Variants in TTC28 observed in about 807,000 individuals in gnomAD.
TTC28 encodes the protein tetratricopeptide repeat protein 28.
A neutral mutation model predicts 198.0 loss-of-function variants in TTC28; 61 were observed. That is an observed-to-expected ratio of 0.31 (90% CI 0.25 to 0.38). The LOEUF (loss-of-function observed/expected upper bound fraction) is 0.38, where lower values mean the gene tolerates loss of function less well. TTC28 is among the 10% of genes least tolerant of loss of function. The pLI is 1.00. For missense variants in TTC28, 2,678 were observed against 3,164.0 expected (o/e 0.85, Z 3.69); for synonymous variants, 1,171 against 1,297.8 (o/e 0.90, Z 2.10).
intron 5 of TTC28, among the ~76,000 whole-genome samples, chr22:28,243,655 T>C (rs558076284): frequency 1.3e-5 from 2 of 152,088 alleles, no homozygotes; most frequent in African/African-American, 2.4e-5. Flanking sequence ...TTAGAGAACG[T>C]GGATTAGATA....
chr22:28,513,290 C>T (rs1466944603), intron 2 of TTC28, among the ~76,000 whole-genome samples: 2 of 152,118 alleles, frequency 1.3e-5, no homozygotes, highest in Non-Finnish European at 2.9e-5. Flanking sequence ...AAAGAGCCAA[C>T]GTAAGAGTTA....
Position 28,440,736 on chromosome 22 carries a change from A to G in TTC28, c.382-134093T>C, listed in dbSNP as rs528661785. On this transcript the variant is annotated intron_variant, in intron 2 of 22. Transcript: ENST00000397906. ...ACTGTATCACTACAAATGTGTTAGC[A>G]GACTGAGCCAGAAACCATGGCAATG... is the stretch of plus-strand genomic sequence containing the variant. 1.9e-3 allele frequency among the ~76,000 whole-genome samples: 284 copies of G among 152,356 alleles called. 1 individual carries two copies. Among genetic ancestry groups the G allele is most frequent in the African/African-American group, 5.4e-3 (223 of 41,584 alleles).
Position 27,999,179 on chromosome 22 carries a change from C to A in TTC28, c.4480G>T (p.Ala1494Ser), listed in dbSNP as rs1937608548. 6.4e-7 allele frequency: 1 copy of A among 1,550,706 alleles called. No individual in the cohort carries two copies. The part of the protein sequence containing the change: ...AVIGNPKLPS[A>S]VMDRWLWGPM... The stretch of plus-strand genomic sequence containing the variant: ...CCCCACAGCCACCTGTCCATCACGG[C>A]CGATGGTAGCTTGGGGTTGCCGATG... Residue 1494 changes from alanine (A) to serine (S), a missense_variant, in exon 16 of 23, where the codon GCC (alanine) becomes TCC (serine). By Grantham distance (99) the Ala-to-Ser change is moderately conservative (BLOSUM62 1). Around this residue, in one of 8 missense-constraint regions of TTC28, gnomAD observed 727 missense variants for 861.9 expected, o/e 0.84. Coordinates refer to ENST00000397906, the MANE Select transcript of TTC28 (RefSeq NM_001145418.2).
chr22:28,168,557 A>G (rs1382693252), intron 5 of TTC28, among the ~76,000 whole-genome samples: 5 of 152,190 alleles, frequency 3.3e-5, no homozygotes, highest in African/African-American at 1.2e-4. Context: ...ACCTGACAAA[A>G]ACAAGAAATG....
At chr22:28,388,126 C>G (rs1044418592) in intron 2 of TTC28, among the ~76,000 whole-genome samples, 1 of 152,228 alleles carries the variant, frequency 6.6e-6, no homozygotes, top group African/African-American at 2.4e-5. Context: ...GCTTGTTTTT[C>G]TCAGGTTTGT....
intron 5 of TTC28, among the ~76,000 whole-genome samples, chr22:28,241,598 C>T (rs1004059951): frequency 1.3e-5 from 2 of 151,528 alleles, no homozygotes; most frequent in African/African-American, 4.9e-5. Flanking sequence ...TCAAATGGTT[C>T]GAGATTAAAA....
chr22:28,051,337 GTTTCC>G (rs1940078431), intron 12 of TTC28, among the ~76,000 whole-genome samples: 1 of 152,184 alleles, frequency 6.6e-6, no homozygotes, highest in Admixed American at 6.5e-5. Flanking sequence ...GGTGAAAATA[GTTTCC>G]TGTTTGCCTG....
In TTC28 at chr22:27,982,081, G is replaced by C. The variant is rs999670571; in HGVS notation, c.*140C>G. On this transcript the variant is annotated 3_prime_UTR_variant, in exon 23 of 23. Transcript: ENST00000397906. This position sits in a 1 kb window ranked among gnomAD's most constrained non-coding sequence, Gnocchi z 5.2. The stretch of plus-strand genomic sequence containing the variant: ...CCAGTGTGTGTGGCAGCCTTTGGAC[G>C]TGGTGGTGCCCCTCGCCTGCAGAGC... 1.2e-6 allele frequency: 1 copy of C among 854,956 alleles called. No homozygotes were observed. The highest frequency in any genetic ancestry group is 2.9e-5 in the East Asian group (1 of 34,970). 53.0% of individuals were successfully genotyped at this position (854,956 alleles called of 1,614,324 possible). A position where few individuals can be genotyped will look rare whatever the true frequency, so the allele number is the denominator to read the frequency against.
At chr22:28,334,603 T>C (rs544802037) in intron 2 of TTC28, among the ~76,000 whole-genome samples, 2 of 152,322 alleles carry the variant, frequency 1.3e-5, no homozygotes, top group Admixed American at 1.3e-4. Context: ...TGATGGCCAG[T>C]GATGGTGAGC....
intron 9 of TTC28, 114 bp downstream of exon 9, chr22:28,101,057 C>T: frequency 1.4e-6 from 1 of 719,684 alleles, no homozygotes. Flanking sequence ...ACACATTAGC[C>T]CAAGGGTAGA....
chr22:28,152,748 C>G (rs1943639953), intron 6 of TTC28, among the ~76,000 whole-genome samples: 1 of 152,134 alleles, frequency 6.6e-6, no homozygotes, highest in South Asian at 2.1e-4. Context: ...TACTGACTAC[C>G]TATAATTAGA....
Position 27,982,447 on chromosome 22 carries a change from C to CCCT in TTC28, c.7217_7219dup (p.Glu2406dup). On this transcript the variant is annotated inframe_insertion, in exon 23 of 23. Coordinates refer to ENST00000397906, the MANE Select transcript of TTC28 (RefSeq NM_001145418.2). The surrounding 1 kb of genome is among the most constrained non-coding windows in gnomAD (Gnocchi z 5.2). ...CTCCTTCAGTTCAAGCTTATCCACT[C>CCCT]CCTCCTCCTTCTTATTGTGCCGTGG... is the stretch of plus-strand genomic sequence containing the variant. 1 of 1,551,514 alleles carries CCCT rather than the reference C, an allele frequency of 6.4e-7. No homozygotes were observed. The highest frequency in any genetic ancestry group is 1.2e-5 in the South Asian group (1 of 84,048).
At chr22:28,270,445 T>G (rs1030732405) in intron 5 of TTC28, among the ~76,000 whole-genome samples, 1 of 152,098 alleles carries the variant, frequency 6.6e-6, no homozygotes, top group African/African-American at 2.4e-5. Flanking sequence ...CTAACAAATG[T>G]GCTTTACCTG....
chr22:28,250,799 G>A (rs138955527), intron 5 of TTC28, among the ~76,000 whole-genome samples: 1 of 152,298 alleles, frequency 6.6e-6, no homozygotes, highest in East Asian at 1.9e-4. Flanking sequence ...GATATAGTGG[G>A]CCAACTATAT....
chr22:28,493,836 A>C (rs1278788023), intron 2 of TTC28, among the ~76,000 whole-genome samples: 2 of 152,220 alleles, frequency 1.3e-5, no homozygotes, highest in Non-Finnish European at 2.9e-5. Context: ...GGATGCAGTC[A>C]GTGAAGTCCA....
chr22:28,547,105 G>A (rs1206035352), intron 2 of TTC28, among the ~76,000 whole-genome samples: 2 of 152,126 alleles, frequency 1.3e-5, no homozygotes, highest in African/African-American at 4.8e-5. Context: ...TAGGTTCATT[G>A]AGCATTGAAC....
chr22:28,254,027 C>T (rs1221877577), intron 5 of TTC28, among the ~76,000 whole-genome samples: 3 of 151,516 alleles, frequency 2.0e-5, no homozygotes, highest in Non-Finnish European at 4.4e-5. Context: ...TTGCTTGAAC[C>T]CAGGAGGCGG....
At chr22:28,583,213 T>C (rs2050257266) in intron 2 of TTC28, among the ~76,000 whole-genome samples, 1 of 152,190 alleles carries the variant, frequency 6.6e-6, no homozygotes, top group Non-Finnish European at 1.5e-5. Context: ...TTTAAAAAAA[T>C]GAGGACATCA....
At chr22:28,515,504 A>G (rs2048768796) in intron 2 of TTC28, among the ~76,000 whole-genome samples, 2 of 152,262 alleles carry the variant, frequency 1.3e-5, no homozygotes, top group South Asian at 4.1e-4. Context: ...CTTGCTTCAC[A>G]GCATGCTGTT....
Sources: allele counts gnomAD v4.1 joint callset (sites outside exome capture counted in the v4.1 genomes callset), GRCh38; gene constraint gnomAD v4.1.1; regional missense constraint gnomAD v4.1.1; non-coding constraint Gnocchi (gnomAD v3.1); transcripts MANE v1.5; gene names NCBI Gene and HGNC (gene_info 2026-07-23, HGNC 2026-07-21).